TNXB: variants seen among roughly 807,000 people sequenced by gnomAD.
TNXB encodes the protein tenascin XB, also known as tenascin-X.
A neutral mutation model predicts 340.5 loss-of-function variants in TNXB; 183 were observed. The observed-to-expected ratio is 0.54, with a 90% CI of 0.48 to 0.61. The LOEUF (loss-of-function observed/expected upper bound fraction) is 0.61. TNXB is among the 20% of genes least tolerant of loss of function. The probability of loss-of-function intolerance (pLI) is 0.00; values close to 1 mark genes in which losing one functional copy is unlikely to be tolerated. For synonymous variants in TNXB, 2,121 were observed against 2,314.5 expected (o/e 0.92, Z 2.40); for missense variants, 4,613 against 5,446.4 (o/e 0.85, Z 4.82).
chr6:32,062,225 T>C lies in TNXB; in HGVS notation c.7100A>G (p.Tyr2367Cys). 1.2e-6 allele frequency: 2 copies of C among 1,613,282 alleles called. No individual in the cohort carries two copies. The highest frequency in any genetic ancestry group is 8.5e-7 in the Non-Finnish European group (1 of 1,179,884). ...GTGGAAGCCGTACAGGTTCATCTTG[T>C]ACTTGTTGTCTGGCTCCAGGCCGGA... ...TISGLEPDNK[Y>C]KMNLYGFHGG... Residue 2367 changes from tyrosine (Y) to cysteine (C), a missense_variant, in exon 20 of 44, where the codon TAC (tyrosine) becomes TGC (cysteine). By Grantham distance (194) the Tyr-to-Cys change is radical (BLOSUM62 -2). Coordinates refer to ENST00000644971, the MANE Select transcript of TNXB (RefSeq NM_001365276.2). The surrounding 1 kb of genome is among the most constrained non-coding windows in gnomAD (Gnocchi z 4.3).
Position 32,043,752 on chromosome 6 carries a change from T to A in TNXB, c.11527A>T (p.Thr3843Ser), listed in dbSNP as rs1479987574. The A allele has an allele frequency of 2.5e-6, 4 of 1,613,466 alleles. 1 individual carries two copies. Among genetic ancestry groups the A allele is most frequent in the Non-Finnish European group, 3.4e-6 (4 of 1,180,006 alleles). ...CCCGGGTCCCAGTCCATCTCACCCGTGGTGAGGAAGCCTGTGAGAGGCTCA... is the reference window on the plus strand; with the variant it reads ...CCCGGGTCCCAGTCCATCTCACCCGAGGTGAGGAAGCCTGTGAGAGGCTCA... ...ESEPLTGFLT[T>S]VPDGPTQLRA... is the part of the protein sequence containing the mutation. The change falls in exon 35 of 44, where the codon ACG becomes TCG. Residue 3843 changes from threonine to serine, a missense_variant. Transcript: ENST00000644971.
intron 1 of TNXB, among the ~76,000 whole-genome samples, chr6:32,106,157 A>C (rs1165035631): frequency 2.6e-5 from 4 of 151,760 alleles, no homozygotes; most frequent in Non-Finnish European, 5.9e-5. Context: ...TGGGGTGCTA[A>C]AGGTGTCTTG....
At chr6:32,078,073 GAGAAAGAAAGAAAGAA>G (rs57498424) in intron 11 of TNXB, among the ~76,000 whole-genome samples, 6,513 of 125,006 alleles carry the variant, frequency 0.052, 238 homozygotes, top group Admixed American at 0.12. Flanking sequence ...CAGAAAGAAA[GAGAAAGAAAGAAAGAA>G]AGAAAGAAAG....
At chr6:32,091,272 G>A (rs186734266) in intron 4 of TNXB, among the ~76,000 whole-genome samples, 43 of 151,628 alleles carry the variant, frequency 2.8e-4, no homozygotes, top group African/African-American at 9.9e-4. Flanking sequence ...CACCATGTCC[G>A]GCTAATTTTG....
At position 32,058,410 on chromosome 6, in the gene TNXB, G is replaced by A. The variant is rs750018575; in HGVS notation, c.7493-20C>T. On this transcript the variant is annotated intron_variant, in intron 21 of 43. Coordinates refer to ENST00000644971, the MANE Select transcript of TNXB (RefSeq NM_001365276.2). The surrounding 1 kb of genome is among the most constrained non-coding windows in gnomAD (Gnocchi z 5.1). ...GTGGGGCTGAAAGGTAATATAGGGG[G>A]ATACAGAGTTTAAGGGTTTAAGGGC... 33 of 1,561,756 alleles carry A rather than the reference G, an allele frequency of 2.1e-5. No individual in the cohort carries two copies. Among genetic ancestry groups the A allele is most frequent in the Non-Finnish European group, 2.6e-5 (30 of 1,153,100 alleles).
Position 32,069,507 on chromosome 6 carries a change from G to A in TNXB, c.5587+46C>T, listed in dbSNP as rs1316702860. On this transcript the variant is annotated intron_variant, in intron 15 of 43. Transcript: ENST00000644971. The surrounding 1 kb of genome is among the most constrained non-coding windows in gnomAD (Gnocchi z 6.2). ...CTTATGGCTCAGTCAGACCAGGAGAGCCAGGCGGGAAGGAGGCACAGGTGT... is the reference window on the plus strand; with the variant it reads ...CTTATGGCTCAGTCAGACCAGGAGAACCAGGCGGGAAGGAGGCACAGGTGT... 3 of 1,511,766 alleles carry A rather than the reference G, an allele frequency of 2.0e-6. No homozygotes were observed. Among genetic ancestry groups the A allele is most frequent in the Non-Finnish European group, 2.7e-6 (3 of 1,128,292 alleles). 93.6% of individuals were successfully genotyped at this position (1,511,766 alleles called of 1,614,324 possible).
In TNXB at chr6:32,087,934, C is replaced by G. The variant is rs937500226; in HGVS notation, c.2779+851G>C. 109 of 55,820 alleles carry G rather than the reference C, an allele frequency of 2.0e-3. No homozygotes were observed. The highest frequency in any genetic ancestry group is 8.8e-3 in the Middle Eastern group (1 of 114). 3.5% of individuals were successfully genotyped at this position (55,820 alleles called of 1,614,324 possible). ...CCGCGGGGCTGGGGCTGGCCGGGGC[C>G]GGGACTTGGGGGGCGGGGCTGGGGG... On this transcript the variant is annotated intron_variant, in intron 6 of 43. Coordinates refer to ENST00000644971, the MANE Select transcript of TNXB (RefSeq NM_001365276.2). This position sits in a 1 kb window ranked among gnomAD's most constrained non-coding sequence, Gnocchi z 9.0.
chr6:32,064,791 G>A lies in TNXB; in HGVS notation c.6841+30C>T. ...AAAGGGAAACTGAGTCTAGTTCAGG[G>A]CAGGGCCCAGTGCCCTACTGCACAC... is the stretch of plus-strand genomic sequence containing the variant. On this transcript the variant is annotated intron_variant, in intron 19 of 43. Coordinates refer to ENST00000644971, the MANE Select transcript of TNXB (RefSeq NM_001365276.2). The surrounding 1 kb of genome is among the most constrained non-coding windows in gnomAD (Gnocchi z 5.3). 8 of 1,599,570 alleles carry A rather than the reference G, an allele frequency of 5.0e-6. No individual in the cohort carries two copies. The highest frequency in any genetic ancestry group is 6.8e-6 in the Non-Finnish European group (8 of 1,172,928).
Position 32,096,781 on chromosome 6 carries a change from C to G in TNXB, c.1072G>C (p.Val358Leu), listed in dbSNP as rs777302650. The change falls in exon 3 of 44, where the codon GTG (valine) becomes CTG (leucine). Residue 358 changes from valine (V) to leucine (L), a missense_variant. Val to Leu is a conservative substitution (Grantham distance 32). Transcript: ENST00000644971. ...TCGCCTGTGTACCCGGGCCAGCACA[C>G]GCAGCGGCCGTCCACGCAGCGCCCG... ...EGGRCVDGRCVCWPGYTGEDC... is the reference protein window; with the variant it reads ...EGGRCVDGRCLCWPGYTGEDC... 8 of 1,571,068 alleles carry G rather than the reference C, an allele frequency of 5.1e-6. No individual in the cohort carries two copies. The East Asian group carries it at 1.9e-4, about 37-fold the overall frequency.
At chr6:32,076,334 C>T (rs1442460082) in intron 11 of TNXB, among the ~76,000 whole-genome samples, 1 of 152,202 alleles carries the variant, frequency 6.6e-6, no homozygotes, top group Non-Finnish European at 1.5e-5. Flanking sequence ...CCACGCACCT[C>T]TCCCCCTGGC....
Position 32,069,829 on chromosome 6 carries a change from T to C in TNXB, c.5311A>G (p.Lys1771Glu), listed in dbSNP as rs749844478. ...ARSAMDDTGT[K>E]RPPKPRLGEE... Reference sequence around the variant, plus strand: ...CCCAGACGGGGTTTTGGGGGACGCTTTGTTCCAGTATCATCCATAGCACTC... The same window carrying C: ...CCCAGACGGGGTTTTGGGGGACGCTCTGTTCCAGTATCATCCATAGCACTC... The change falls in exon 15 of 44, where the codon AAG (lysine) becomes GAG (glutamate). Residue 1771 changes from lysine to glutamate, a missense_variant. Transcript: ENST00000644971. The surrounding 1 kb of genome is among the most constrained non-coding windows in gnomAD (Gnocchi z 6.2). 12 of 1,608,074 alleles carry C rather than the reference T, an allele frequency of 7.5e-6. No individual in the cohort carries two copies. Among genetic ancestry groups the C allele is most frequent in the African/African-American group, 5.4e-5 (4 of 74,754 alleles).
At position 32,048,529 on chromosome 6, in the gene TNXB, C is replaced by A. The variant is rs762174875; in HGVS notation, c.9879G>T (p.Leu3293=). The A allele has an allele frequency of 6.3e-6, 10 of 1,593,496 alleles. No individual in the cohort carries two copies. In the East Asian group the frequency reaches 2.2e-4, roughly 36 times the overall value. ...TVAQGPFDSF[L]VQYRDAQGQP... ...GCCCCTGCGCGTCCCTGTACTGTAC[C>A]AGGAAGGAGTCAAAGGGGCCCTGGG... The change falls in exon 29 of 44, where the codon CTG becomes CTT. Residue 3293 remains leucine (L), a synonymous_variant. Coordinates refer to ENST00000644971, the MANE Select transcript of TNXB (RefSeq NM_001365276.2).
At position 32,068,580 on chromosome 6, in the gene TNXB, G is replaced by A. The variant is rs3749962; in HGVS notation, c.6030C>T (p.Pro2010=). The A allele has an allele frequency of 0.11, 185,564 of 1,613,830 alleles. 15,107 individuals carry two copies. The highest frequency in any genetic ancestry group is 0.34 in the South Asian group (30,994 of 91,074). ...CCAGGAAGTGGTCAAACTGTCCCTC[G>A]GGAACTGTCCAGGACAGGCTGAGGG... ...PDSLSLSWTV[P]EGQFDHFLVQ... Residue 2010 remains proline, a synonymous_variant, in exon 17 of 44, where the codon CCC becomes CCT. Transcript: ENST00000644971. The surrounding 1 kb of genome is among the most constrained non-coding windows in gnomAD (Gnocchi z 5.3).
In TNXB at chr6:32,097,929, G is replaced by A. The variant is rs777795856; in HGVS notation, c.270C>T (p.Gly90=). The stretch of plus-strand genomic sequence containing the variant: ...CTGAAGCAAGGACTGGGGGCTCGGT[G>A]CCTGGGGGACAGCCACAGCCAGTGG... ...PPSTGCGCPP[G]TEPPVLASEV... The change falls in exon 2 of 44, where the codon GGC becomes GGT. Residue 90 remains glycine (G), a synonymous_variant. Coordinates refer to ENST00000644971, the MANE Select transcript of TNXB (RefSeq NM_001365276.2). The surrounding 1 kb of genome is among the most constrained non-coding windows in gnomAD (Gnocchi z 5.9). 8 of 1,592,118 alleles carry A rather than the reference G, an allele frequency of 5.0e-6. No homozygotes were observed. The highest frequency in any genetic ancestry group is 2.3e-5 in the East Asian group (1 of 44,386).
At position 32,087,977 on chromosome 6, in the gene TNXB, TG is replaced by T; in HGVS notation, c.2779+807del. ...GCTGGGGGGCGCACCTCCGGGTAAC[TG>T]TAGTGGCCTGGTGCTGCCAGGGGCA... On this transcript the variant is annotated intron_variant, in intron 6 of 43. Coordinates refer to ENST00000644971, the MANE Select transcript of TNXB (RefSeq NM_001365276.2). This position sits in a 1 kb window ranked among gnomAD's most constrained non-coding sequence, Gnocchi z 9.0. The T allele has an allele frequency of 3.3e-6, 1 of 305,324 alleles. No individual in the cohort carries two copies. Among genetic ancestry groups the T allele is most frequent in the South Asian group, 2.4e-5 (1 of 41,472 alleles). 18.9% of individuals were successfully genotyped at this position (305,324 alleles called of 1,614,324 possible).
At position 32,074,025 on chromosome 6, in the gene TNXB, AT is replaced by A; in HGVS notation, c.4376-74del. On this transcript the variant is annotated intron_variant, in intron 11 of 43. Coordinates refer to ENST00000644971, the MANE Select transcript of TNXB (RefSeq NM_001365276.2). This position sits in a 1 kb window ranked among gnomAD's most constrained non-coding sequence, Gnocchi z 5.5. ...TTATAGTAATGATGTCTAGTTATTT[AT>A]TTTTTATTTTTTATTTTTGAGATGG... 2 of 1,280,138 alleles carry A rather than the reference AT, an allele frequency of 1.6e-6. No homozygotes were observed. The highest frequency in any genetic ancestry group is 2.1e-6 in the Non-Finnish European group (2 of 959,926). 79.3% of individuals were successfully genotyped at this position (1,280,138 alleles called of 1,614,324 possible). A position where few individuals can be genotyped will look rare whatever the true frequency, so the allele number is the denominator to read the frequency against.
At position 32,084,563 on chromosome 6, in the gene TNXB, T is replaced by C; in HGVS notation, c.3295A>G (p.Arg1099Gly). The C allele has an allele frequency of 3.7e-6, 6 of 1,608,940 alleles. No individual in the cohort carries two copies. Among genetic ancestry groups the C allele is most frequent in the Non-Finnish European group, 5.1e-6 (6 of 1,178,688 alleles). ...FDSFVIQYKD[R>G]DGQPQVVPVE... The stretch of plus-strand genomic sequence containing the variant: ...GGCACCACCTGGGGCTGCCCGTCCC[T>C]GTCTTTGTACTGGATCACGAAGGAG... Residue 1099 changes from arginine (R) to glycine (G), a missense_variant, in exon 8 of 44, where the codon AGG becomes GGG. Physicochemically the swap from Arg to Gly is moderately radical, Grantham distance 125. Around this residue, in one of 7 missense-constraint regions of TNXB, gnomAD observed 4,327 missense variants for 4,859.4 expected, o/e 0.89. Transcript: ENST00000644971. This position sits in a 1 kb window ranked among gnomAD's most constrained non-coding sequence, Gnocchi z 5.5.
Position 32,097,992 on chromosome 6 carries a change from C to T in TNXB, c.207G>A (p.Lys69=). ...LYEHTVEGGE[K]QVVFTHRINL... ...TAATGCGGTGGGTGAATACCACCTG[C>T]TTCTCCCCTCCTTCCACTGTGTGCT... is the stretch of plus-strand genomic sequence containing the variant. Residue 69 remains lysine, a synonymous_variant, in exon 2 of 44, where the codon AAG becomes AAA. Transcript: ENST00000644971. The surrounding 1 kb of genome is among the most constrained non-coding windows in gnomAD (Gnocchi z 5.9). 6.2e-7 allele frequency: 1 copy of T among 1,607,344 alleles called. No homozygotes were observed. Among genetic ancestry groups the T allele is most frequent in the Non-Finnish European group, 8.5e-7 (1 of 1,178,054 alleles).
intron 1 of TNXB, among the ~76,000 whole-genome samples, chr6:32,103,137 A>G (rs1413524684): frequency 1.3e-5 from 2 of 151,416 alleles, no homozygotes; most frequent in Non-Finnish European, 3.0e-5. Context: ...AAATTGAACC[A>G]TGGCTGGGTG....
Sources: gnomAD v4.1 joint callset for allele counts (sites outside exome capture counted in the v4.1 genomes callset) on GRCh38, gnomAD v4.1.1 for gene constraint, gnomAD v4.1.1 regional missense constraint, Gnocchi (gnomAD v3.1) non-coding constraint, MANE v1.5 for transcripts, NCBI Gene and HGNC (gene_info 2026-07-23, HGNC 2026-07-21) for gene names.